Variants in IFT52 observed in about 807,000 individuals in gnomAD.
The protein encoded by IFT52 is intraflagellar transport protein 52 homolog.
In IFT52, 44 loss-of-function variants were observed where a neutral mutation model predicts 54.4. That is an observed-to-expected ratio of 0.81 (90% CI 0.63 to 1.04). IFT52 has a LOEUF of 1.04. IFT52 is among the 50% of genes least tolerant of loss of function. The probability of loss-of-function intolerance (pLI) is 0.00; values close to 1 mark genes in which losing one functional copy is unlikely to be tolerated. For synonymous variants in IFT52, 181 were observed against 185.3 expected, an observed-to-expected ratio of 0.98 and a Z score of 0.19; for missense variants, 452 against 523.6, an observed-to-expected ratio of 0.86 and a Z score of 1.33.
At chr20:43,605,913 C>T (rs893603913) in intron 6 of IFT52, among the ~76,000 whole-genome samples, 2 of 152,048 alleles carry the variant, frequency 1.3e-5, no homozygotes, top group East Asian at 1.9e-4. Flanking sequence ...ACTTCTGTTC[C>T]GTATTGTTGT....
At chr20:43,628,082 C>A (rs1984880617) in intron 10 of IFT52, among the ~76,000 whole-genome samples, 1 of 151,972 alleles carries the variant, frequency 6.6e-6, no homozygotes, top group Admixed American at 6.6e-5. Flanking sequence ...GCGTGCACCA[C>A]CACACCTGGC....
At position 43,635,908 on chromosome 20, in the gene IFT52, G is replaced by C; in HGVS notation, c.924-18G>C. On this transcript the variant is annotated intron_variant, in intron 10 of 13. Coordinates refer to ENST00000373030, the MANE Select transcript of IFT52 (RefSeq NM_016004.5). ...ATAGTGTCTTGATCCCTGCTTTTTT[G>C]TTTGATTATGAACACAGGGCTCACG... 1 of 1,610,522 alleles carries C rather than the reference G, an allele frequency of 6.2e-7. No individual in the cohort carries two copies. The highest frequency in any genetic ancestry group is 8.5e-7 in the Non-Finnish European group (1 of 1,177,978).
At chr20:43,599,031 G>A (rs374700528) in intron 3 of IFT52, among the ~76,000 whole-genome samples, 35 of 152,180 alleles carry the variant, frequency 2.3e-4, no homozygotes, top group Non-Finnish European at 8.8e-5. Context: ...ACCTTCCCCC[G>A]CTGGGAATGG....
chr20:43,631,337 G>A (rs1292043420), intron 10 of IFT52, among the ~76,000 whole-genome samples: 1 of 152,182 alleles, frequency 6.6e-6, no homozygotes, highest in East Asian at 1.9e-4. Context: ...TCTTCCCTCT[G>A]TGGAGATCTG....
chr20:43,623,961 G>T lies in IFT52; in HGVS notation c.839G>T (p.Ser280Ile). The change falls in exon 10 of 14, where the codon AGT becomes ATT. Residue 280 changes from serine (S) to isoleucine (I), a missense_variant. By Grantham distance (142) the Ser-to-Ile change is moderately radical. Coordinates refer to ENST00000373030, the MANE Select transcript of IFT52 (RefSeq NM_016004.5). The stretch of plus-strand genomic sequence containing the variant: ...CGGAATCGAGAGTGTCTCCAGGAGA[G>T]TGATGAGATCCCAAGGGACTTTACC... ...SKRNRECLQE[S>I]DEIPRDFTTL... 6.2e-7 allele frequency: 1 copy of T among 1,614,106 alleles called. No homozygotes were observed. The highest frequency in any genetic ancestry group is 1.3e-5 in the African/African-American group (1 of 74,998).
intron 5 of IFT52, 31 bp from the exon 6 acceptor site, chr20:43,604,971 G>A (rs1982739960): frequency 6.2e-7 from 1 of 1,607,992 alleles, no homozygotes; most frequent in Non-Finnish European, 8.5e-7. Flanking sequence ...AATTTTTTTT[G>A]TTTACTAGAT....
chr20:43,642,469 A>G lies in IFT52; in HGVS notation c.1121-10A>G, dbSNP rs772036367. 2 of 1,613,092 alleles carry G rather than the reference A, an allele frequency of 1.2e-6. No individual in the cohort carries two copies. The highest frequency in any genetic ancestry group is 3.3e-5 in the Admixed American group (2 of 59,810). ...AAGAATTAATCTAACTACTACTCCAACTGTCTTAGGTACTGAAGAAGACCT... is the reference window on the plus strand; with the variant it reads ...AAGAATTAATCTAACTACTACTCCAGCTGTCTTAGGTACTGAAGAAGACCT... On this transcript the variant is annotated splice_polypyrimidine_tract_variant and intron_variant, in intron 12 of 13. Coordinates refer to ENST00000373030, the MANE Select transcript of IFT52 (RefSeq NM_016004.5).
intron 12 of IFT52, among the ~76,000 whole-genome samples, chr20:43,638,923 T>C (rs1985725037): frequency 6.6e-6 from 1 of 152,180 alleles, no homozygotes; most frequent in South Asian, 2.1e-4. Context: ...AACAGTTCAG[T>C]GTAAACGAAG....
intron 10 of IFT52, among the ~76,000 whole-genome samples, chr20:43,631,999 C>A (rs1195614912): frequency 1.3e-5 from 2 of 151,706 alleles, no homozygotes; most frequent in East Asian, 3.9e-4. Context: ...GATCTCCGCT[C>A]ACCACAACCT....
At position 43,647,108 on chromosome 20, in the gene IFT52, T is replaced by G. The variant is rs1986260150; in HGVS notation, c.*125T>G. The G allele has an allele frequency of 2.5e-6, 2 of 809,718 alleles. No individual in the cohort carries two copies. Among genetic ancestry groups the G allele is most frequent in the Non-Finnish European group, 4.2e-6 (2 of 471,088 alleles). 50.2% of individuals were successfully genotyped at this position (809,718 alleles called of 1,614,324 possible). On this transcript the variant is annotated 3_prime_UTR_variant, in exon 14 of 14. Transcript: ENST00000373030. ...TTTCCTCCATGAGCTCTGGAAGGTATATGCATCTTCTGTAATACTCAGATA... is the reference window on the plus strand; with the variant it reads ...TTTCCTCCATGAGCTCTGGAAGGTAGATGCATCTTCTGTAATACTCAGATA...
At chr20:43,646,650 C>T (rs1163096403) in intron 13 of IFT52, among the ~76,000 whole-genome samples, 1 of 152,122 alleles carries the variant, frequency 6.6e-6, no homozygotes. Context: ...CTAGGACAGA[C>T]ACCCGAGGCC....
chr20:43,597,100 G>A lies in IFT52; in HGVS notation c.207+578G>A, dbSNP rs867117552. ...AAAATAGGAAAATTCCGCCAGGCGC[G>A]GTGGCTCACACCTGTAATCCCAACA... On this transcript the variant is annotated intron_variant, in intron 3 of 13. Transcript: ENST00000373030. 3.4e-4 allele frequency among the ~76,000 whole-genome samples: 52 copies of A among 151,522 alleles called. 1 individual carries two copies. Among genetic ancestry groups the A allele is most frequent in the Admixed American group, 5.3e-4 (8 of 15,232 alleles).
At chr20:43,601,732 T>A (rs1228692785) in intron 3 of IFT52, among the ~76,000 whole-genome samples, 2 of 152,178 alleles carry the variant, frequency 1.3e-5, no homozygotes, top group Admixed American at 6.5e-5. Context: ...GGCTTGCTAT[T>A]ATCAGTCATA....
intron 7 of IFT52, among the ~76,000 whole-genome samples, chr20:43,617,149 T>C (rs1983919642): frequency 1.3e-5 from 2 of 152,294 alleles, no homozygotes; most frequent in African/African-American, 2.4e-5. Context: ...TGAATTACTT[T>C]TTTGTGAACA....
chr20:43,591,384 T>C (rs1168685785), intron 1 of IFT52, among the ~76,000 whole-genome samples: 1 of 152,220 alleles, frequency 6.6e-6, no homozygotes, highest in African/African-American at 2.4e-5. Context: ...TGACTGGTAA[T>C]GTTATTGAAG....
chr20:43,646,434 A>T (rs573855061), intron 13 of IFT52, among the ~76,000 whole-genome samples: 1 of 152,180 alleles, frequency 6.6e-6, no homozygotes, highest in Non-Finnish European at 1.5e-5. Context: ...GGCTGGGGCC[A>T]TAGCAGTGAA....
intron 6 of IFT52, among the ~76,000 whole-genome samples, chr20:43,610,264 C>G (rs542071242): frequency 2.8e-4 from 41 of 145,028 alleles, no homozygotes; most frequent in Admixed American, 1.3e-3. Flanking sequence ...TGCACTCCAG[C>G]CTGGGCGACA....
chr20:43,597,019 G>C (rs1306003189), intron 3 of IFT52, among the ~76,000 whole-genome samples: 1 of 151,038 alleles, frequency 6.6e-6, no homozygotes, highest in Non-Finnish European at 1.5e-5. Context: ...GGGATTACAG[G>C]TGTGAGCCAC....
intron 6 of IFT52, among the ~76,000 whole-genome samples, chr20:43,610,870 T>TAA (rs1983388491): frequency 6.6e-6 from 1 of 152,246 alleles, no homozygotes; most frequent in South Asian, 2.1e-4. Context: ...ATTCCCTCTC[T>TAA]TACTTGCCAA....
Sources: gnomAD v4.1 joint callset for allele counts (sites outside exome capture counted in the v4.1 genomes callset) on GRCh38, gnomAD v4.1.1 for gene constraint, MANE v1.5 for transcripts, NCBI Gene and HGNC (gene_info 2026-07-23, HGNC 2026-07-21) for gene names.